The following AP3D1 variants were observed in gnomAD, a reference collection of about 807,000 sequenced individuals.
AP3D1 encodes adaptor related protein complex 3 subunit delta 1, also known as AP-3 complex subunit delta-1.
A neutral mutation model predicts 147.6 loss-of-function variants in AP3D1; 51 were observed. The ratio of observed to expected loss-of-function variants is 0.35; its 90% CI spans 0.28 to 0.44. The LOEUF is 0.44. AP3D1 is among the 20% of genes least tolerant of loss of function. AP3D1 has a pLI of 1.00. For missense variants in AP3D1, 1,421 were observed against 1,624.2 expected (o/e 0.87, Z 2.15); for synonymous variants, 760 against 663.0 (o/e 1.15, Z -2.25).
chr19:2,117,976 A>G (rs1282037363), intron 15 of AP3D1, among the ~76,000 whole-genome samples: 3 of 152,178 alleles, frequency 2.0e-5, no homozygotes, highest in Non-Finnish European at 2.9e-5. Flanking sequence ...CCTGGCCAAC[A>G]AGGTGAAACT....
At chr19:2,157,088 T>TATCCACCCATCATCCATCC (rs1306167434) in intron 1 of AP3D1, among the ~76,000 whole-genome samples, 9 of 149,778 alleles carry the variant, frequency 6.0e-5, no homozygotes, top group Admixed American at 1.3e-4. Context: ...TCTATCGATC[T>TATCCACCCATCATCCATCC]ATCCACCCAT....
chr19:2,118,534 C>T (rs574857448), intron 15 of AP3D1, 67 bp downstream of exon 15: 8 of 1,463,418 alleles, frequency 5.5e-6, no homozygotes, highest in Middle Eastern at 2.3e-4. Context: ...TCGACCTGGC[C>T]GCCACTGGAC....
At chr19:2,158,432 C>A (rs986635334) in intron 1 of AP3D1, among the ~76,000 whole-genome samples, 5 of 150,706 alleles carry the variant, frequency 3.3e-5, no homozygotes, top group African/African-American at 1.2e-4. Context: ...TCTGAGCTCA[C>A]TGCAGCCTCA....
At chr19:2,108,617 G>A in intron 31 of AP3D1, 70 bp downstream of exon 31, 2 of 1,441,280 alleles carry the variant, frequency 1.4e-6, no homozygotes, top group African/African-American at 1.4e-5. Context: ...CGCCTCTGGG[G>A]ATGAAGGCCT....
chr19:2,153,114 C>G (rs939788194), upstream of AP3D1, among the ~76,000 whole-genome samples: 1 of 149,834 alleles, frequency 6.7e-6, no homozygotes, highest in African/African-American at 2.5e-5. Flanking sequence ...TGGTTCAAAC[C>G]AGTAATTCCA....
chr19:2,156,951 C>T (rs111312173), intron 1 of AP3D1, among the ~76,000 whole-genome samples: 3 of 141,544 alleles, frequency 2.1e-5, no homozygotes, highest in Non-Finnish European at 4.6e-5. Flanking sequence ...CACCCATCCA[C>T]GAATCCATCC....
chr19:2,141,124 A>G (rs911340653), intron 1 of AP3D1, among the ~76,000 whole-genome samples: 1 of 152,160 alleles, frequency 6.6e-6, no homozygotes, highest in African/African-American at 2.4e-5. Context: ...AGATTATATT[A>G]TAAACATAGA....
intron 31 of AP3D1, among the ~76,000 whole-genome samples, chr19:2,104,642 G>A (rs1025887654): frequency 2.0e-5 from 3 of 151,536 alleles, no homozygotes; most frequent in Non-Finnish European, 4.4e-5. Context: ...CAAGGTGGAC[G>A]GACACTAGGA....
chr19:2,146,726 C>T (rs759610994), intron 1 of AP3D1, among the ~76,000 whole-genome samples: 5 of 152,178 alleles, frequency 3.3e-5, no homozygotes, highest in Non-Finnish European at 5.9e-5. Context: ...CCACCACCAC[C>T]GTGACAGCAC....
chr19:2,155,719 C>T (rs565594910), upstream of AP3D1, among the ~76,000 whole-genome samples: 1 of 151,978 alleles, frequency 6.6e-6, no homozygotes, highest in South Asian at 2.1e-4. Flanking sequence ...CTTTTGTTTT[C>T]TGTATGGGTG....
intron 4 of AP3D1, among the ~76,000 whole-genome samples, chr19:2,133,215 G>A (rs1012309783): frequency 5.3e-5 from 8 of 152,150 alleles, no homozygotes; most frequent in African/African-American, 1.9e-4. Context: ...CGCAACAACT[G>A]AGGGGAAGGG....
chr19:2,128,236 A>G (rs556651843), intron 8 of AP3D1, among the ~76,000 whole-genome samples: 2 of 152,132 alleles, frequency 1.3e-5, no homozygotes, highest in South Asian at 4.1e-4. Flanking sequence ...AAGGCTCCTA[A>G]CATAGGATCC....
chr19:2,137,686 TCA>T (rs765827858), intron 3 of AP3D1, 39 bp downstream of exon 3: 25 of 1,569,298 alleles, frequency 1.6e-5, no homozygotes, highest in East Asian at 1.6e-4. Flanking sequence ...ACACCTGTAA[TCA>T]CTCCCCACCC....
upstream of AP3D1, among the ~76,000 whole-genome samples, chr19:2,153,277 G>A (rs566477931): frequency 8.8e-4 from 134 of 151,954 alleles, 1 homozygote; most frequent in African/African-American, 3.0e-3. Flanking sequence ...GGGAGACTGA[G>A]GCAGGAGAAT....
chr19:2,139,179 G>A (rs918156356), intron 1 of AP3D1, among the ~76,000 whole-genome samples: 1 of 152,004 alleles, frequency 6.6e-6, no homozygotes, highest in Non-Finnish European at 1.5e-5. Context: ...AAGGGGATTC[G>A]TGGGTGCCAC....
At chr19:2,115,663 G>A (rs372715294) in intron 18 of AP3D1, 50 bp from the exon 19 acceptor site, 152 of 1,571,252 alleles carry the variant, frequency 9.7e-5, no homozygotes, top group Non-Finnish European at 1.2e-4. Context: ...GGTGACACAC[G>A]TGCAAGACAA....
chr19:2,157,957 A>T (rs918398563), intron 1 of AP3D1, among the ~76,000 whole-genome samples: 2 of 152,218 alleles, frequency 1.3e-5, no homozygotes, highest in Non-Finnish European at 2.9e-5. Flanking sequence ...GGGTTGATAA[A>T]GGACACATTA....
At chr19:2,164,151 C>G (rs760751716) in intron 1 of AP3D1, 1 of 1,186,768 alleles carries the variant, frequency 8.4e-7, no homozygotes, top group Non-Finnish European at 1.0e-6. Context: ...CCCAACCGCC[C>G]GCCTAGCATG....
rs755930644 is a variant in AP3D1 at position 2,123,895 on chromosome 19, T to TGGTCAGCACCAC, written c.857-28_857-17dup. On this transcript the variant is annotated splice_polypyrimidine_tract_variant and intron_variant, in intron 9 of 31. Coordinates refer to ENST00000643116, the MANE Select transcript of AP3D1 (RefSeq NM_001261826.3). ...GAGATGAGCACTGCAACAGACAGCT[T>TGGTCAGCACCAC]GGTCAGCACCACGGTCAGCACCATG... 5.6e-4 allele frequency: 876 copies of TGGTCAGCACCAC among 1,568,800 alleles called. 2 individuals are homozygous for TGGTCAGCACCAC. The highest frequency in any genetic ancestry group is 8.1e-4 in the South Asian group (69 of 85,516).
Sources: allele counts gnomAD v4.1 joint callset (sites outside exome capture counted in the v4.1 genomes callset), GRCh38; gene constraint gnomAD v4.1.1; transcripts MANE v1.5; gene names NCBI Gene and HGNC (gene_info 2026-07-23, HGNC 2026-07-21).